IFT88: variants seen among roughly 807,000 people sequenced by gnomAD.
The protein encoded by IFT88 is intraflagellar transport 88.
In IFT88, 74 loss-of-function variants were observed where a neutral mutation model predicts 119.5. The ratio of observed to expected loss-of-function variants is 0.62; its 90% CI spans 0.51 to 0.75. IFT88 has a LOEUF of 0.75. Ranked by LOEUF, IFT88 falls within the 30% of genes least tolerant of loss-of-function variation. IFT88 has a pLI of 0.00. For missense variants in IFT88, 961 were observed against 977.7 expected, an observed-to-expected ratio of 0.98 and a Z score of 0.23; for synonymous variants, 279 against 316.7, an observed-to-expected ratio of 0.88 and a Z score of 1.26.
intron 13 of IFT88, among the ~76,000 whole-genome samples, chr13:20,611,730 G>T (rs1196352435): frequency 6.6e-6 from 1 of 151,850 alleles, no homozygotes; most frequent in African/African-American, 2.4e-5. Context: ...TCAGCCTCCT[G>T]AGTAGCTGGG....
chr13:20,691,238 C>A lies in IFT88; in HGVS notation c.*63C>A. 1 of 1,446,054 alleles carries A rather than the reference C, an allele frequency of 6.9e-7. No individual in the cohort carries two copies. Among genetic ancestry groups the A allele is most frequent in the South Asian group, 1.3e-5 (1 of 75,078 alleles). 89.6% of individuals were successfully genotyped at this position (1,446,054 alleles called of 1,614,324 possible). ...TTATGAGATCATCCTCATGTTAAAC[C>A]TTGGATTAAATATCTAACCTGTAAT... On this transcript the variant is annotated 3_prime_UTR_variant, in exon 26 of 26. Coordinates refer to ENST00000351808, the MANE Select transcript of IFT88 (RefSeq NM_006531.5).
chr13:20,679,965 G>A (rs530414221), intron 24 of IFT88, among the ~76,000 whole-genome samples: 129 of 152,266 alleles, frequency 8.5e-4, no homozygotes, highest in South Asian at 1.7e-3. Context: ...GCTACAGATT[G>A]AGAGGTGAGC....
chr13:20,658,454 C>T (rs186303602), intron 22 of IFT88, among the ~76,000 whole-genome samples: 19 of 152,278 alleles, frequency 1.2e-4, no homozygotes, highest in South Asian at 6.2e-4. Context: ...TGGATGCAGG[C>T]GTCTGTTTTT....
chr13:20,661,108 A>G (rs2053710693), intron 22 of IFT88, among the ~76,000 whole-genome samples: 1 of 152,224 alleles, frequency 6.6e-6, no homozygotes, highest in African/African-American at 2.4e-5. Context: ...GGACTCACAA[A>G]TAGTTAACTG....
intron 14 of IFT88, among the ~76,000 whole-genome samples, chr13:20,622,721 A>T (rs559904260): frequency 6.6e-6 from 1 of 152,282 alleles, no homozygotes; most frequent in African/African-American, 2.4e-5. Flanking sequence ...TACATTCTGG[A>T]TATTAATCCA....
At chr13:20,573,904 G>A (rs1216633433) in intron 1 of IFT88, among the ~76,000 whole-genome samples, 6 of 152,156 alleles carry the variant, frequency 3.9e-5, no homozygotes, top group Middle Eastern at 3.2e-3. Context: ...AATGTGAAAT[G>A]AGGACAATAA....
chr13:20,691,153 G>A lies in IFT88; in HGVS notation c.2453G>A (p.Gly818Glu), dbSNP rs771024026. 2 of 1,613,416 alleles carry A rather than the reference G, an allele frequency of 1.2e-6. No homozygotes were observed. Among genetic ancestry groups the A allele is most frequent in the Non-Finnish European group, 8.5e-7 (1 of 1,179,640 alleles). ...DEDDFADEEL[G>E]DDLLPE is the part of the protein sequence containing the mutation. Reference sequence around the variant, plus strand: ...GATGATTTTGCTGATGAAGAATTAGGAGATGATTTGCTTCCAGAATAATAT... The same window carrying A: ...GATGATTTTGCTGATGAAGAATTAGAAGATGATTTGCTTCCAGAATAATAT... The change falls in exon 26 of 26, where the codon GGA becomes GAA. Residue 818 changes from glycine to glutamate, a missense_variant. Coordinates refer to ENST00000351808, the MANE Select transcript of IFT88 (RefSeq NM_006531.5).
intron 13 of IFT88, chr13:20,608,005 A>G (rs1413702831): frequency 1.7e-6 from 1 of 580,478 alleles, no homozygotes; most frequent in Non-Finnish European, 3.3e-6. Context: ...AGCAAGGAAC[A>G]TCACCAGAGC....
chr13:20,643,601 A>T lies in IFT88; in HGVS notation c.1829A>T (p.Tyr610Phe). 1 of 1,594,874 alleles carries T rather than the reference A, an allele frequency of 6.3e-7. No individual in the cohort carries two copies. The highest frequency in any genetic ancestry group is 8.6e-7 in the Non-Finnish European group (1 of 1,167,698). ...AAATCTCAAGCATTTCAATATTACT[A>T]TGAGGTAGGTGTGTTATCTTAATTT... ...GDKSQAFQYY[Y>F]ESYRYFPCNI... Residue 610 changes from tyrosine (Y) to phenylalanine (F), a missense_variant, in exon 19 of 26, where the codon TAT becomes TTT. Physicochemically the swap from Tyr to Phe is conservative, Grantham distance 22 (BLOSUM62 3). Transcript: ENST00000351808.
At chr13:20,649,116 C>G (rs554613300) in intron 20 of IFT88, among the ~76,000 whole-genome samples, 80 of 152,192 alleles carry the variant, frequency 5.3e-4, no homozygotes, top group African/African-American at 1.8e-3. Context: ...GAACCTCACA[C>G]GGAAGATAAA....
chr13:20,645,253 C>G (rs1330000188), intron 20 of IFT88, among the ~76,000 whole-genome samples: 1 of 152,182 alleles, frequency 6.6e-6, no homozygotes, highest in East Asian at 1.9e-4. Context: ...CCATGCCTGG[C>G]TAATTTTTTG....
intron 2 of IFT88, among the ~76,000 whole-genome samples, chr13:20,575,966 A>G (rs1183571830): frequency 6.6e-6 from 1 of 152,188 alleles, no homozygotes; most frequent in East Asian, 1.9e-4. Context: ...TAGTAGTTGT[A>G]CTAATTTACA....
chr13:20,644,848 T>C lies in IFT88; in HGVS notation c.1839T>C (p.Tyr613=), dbSNP rs1428651484. 15 of 1,454,770 alleles carry C rather than the reference T, an allele frequency of 1.0e-5. No homozygotes were observed. Among genetic ancestry groups the C allele is most frequent in the African/African-American group, 4.2e-5 (3 of 71,450 alleles). 90.1% of individuals were successfully genotyped at this position (1,454,770 alleles called of 1,614,324 possible). A position where few individuals can be genotyped will look rare whatever the true frequency, so the allele number is the denominator to read the frequency against. The change falls in exon 20 of 26, where the codon TAT becomes TAC. Residue 613 remains tyrosine, a synonymous_variant. Coordinates refer to ENST00000351808, the MANE Select transcript of IFT88 (RefSeq NM_006531.5). The stretch of plus-strand genomic sequence containing the variant: ...ATTCCATATTTGTTTTACAGTCATA[T>C]AGGTATTTTCCTTGTAATATTGAAG... ...SQAFQYYYES[Y]RYFPCNIEVI... is the part of the protein sequence containing the mutation.
rs530041589 is a variant in IFT88 at position 20,604,757 on chromosome 13, C to A, written c.1042-278C>A. Among the ~76,000 whole-genome samples the A allele has an allele frequency of 2.0e-3, 312 of 152,232 alleles. 1 individual carries two copies. The highest frequency in any genetic ancestry group is 3.2e-3 in the Non-Finnish European group (220 of 68,018). On this transcript the variant is annotated intron_variant, in intron 12 of 25. Transcript: ENST00000351808. ...ATTGCTTGAGCCAAGGAATTGAAGA[C>A]CAGCCTGGGCAAAATGGTGAAACCT...
intron 15 of IFT88, among the ~76,000 whole-genome samples, chr13:20,626,729 A>T (rs1418451667): frequency 6.6e-6 from 1 of 152,180 alleles, no homozygotes; most frequent in Non-Finnish European, 1.5e-5. Context: ...CTCAATTAGG[A>T]CAGAGCTGAC....
intron 13 of IFT88, among the ~76,000 whole-genome samples, chr13:20,605,910 G>A (rs2043354902): frequency 6.6e-6 from 1 of 152,208 alleles, no homozygotes; most frequent in South Asian, 2.1e-4. Context: ...GTAGTGCAGA[G>A]CCTCTGTTGA....
At position 20,596,245 on chromosome 13, in the gene IFT88, G is replaced by T. The variant is rs2041618659; in HGVS notation, c.489+5G>T. ...AGTTGTGGAGACTTAAAATTGGTAA[G>T]TTCATAAACAAGATTCAAAATTATG... On this transcript the variant is annotated splice_donor_5th_base_variant and intron_variant, in intron 8 of 25. Coordinates refer to ENST00000351808, the MANE Select transcript of IFT88 (RefSeq NM_006531.5). 2.2e-6 allele frequency: 3 copies of T among 1,382,944 alleles called. No homozygotes were observed. The highest frequency in any genetic ancestry group is 3.0e-6 in the Non-Finnish European group (3 of 995,624). 85.7% of individuals were successfully genotyped at this position (1,382,944 alleles called of 1,614,324 possible).
intron 1 of IFT88, among the ~76,000 whole-genome samples, chr13:20,573,482 T>C (rs1398882742): frequency 2.0e-5 from 3 of 152,208 alleles, no homozygotes; most frequent in African/African-American, 4.8e-5. Flanking sequence ...TTCCTTTCTT[T>C]AGGTCGACAG....
At chr13:20,630,884 T>G in intron 15 of IFT88, 132 bp from the exon 16 acceptor site, 1 of 519,664 alleles carries the variant, frequency 1.9e-6, no homozygotes, top group Non-Finnish European at 3.5e-6. Flanking sequence ...TCTGTTTTCT[T>G]GAACATCTTA....
Sources: allele counts gnomAD v4.1 joint callset (sites outside exome capture counted in the v4.1 genomes callset), GRCh38; gene constraint gnomAD v4.1.1; transcripts MANE v1.5; gene names NCBI Gene and HGNC (gene_info 2026-07-23, HGNC 2026-07-21).